Variants in IGSF21 observed in about 807,000 individuals in gnomAD.
IGSF21 encodes the protein immunoglobulin superfamily member 21.
In IGSF21, 28 loss-of-function variants were observed where a neutral mutation model predicts 46.8. That is an observed-to-expected ratio of 0.60 (90% CI 0.44 to 0.82). The LOEUF (loss-of-function observed/expected upper bound fraction) is 0.82, where lower values mean the gene tolerates loss of function less well. Ranked by LOEUF, IGSF21 falls within the 40% of genes least tolerant of loss-of-function variation. IGSF21 has a pLI of 0.00. For synonymous variants in IGSF21, 284 were observed against 273.6 expected (o/e 1.04, Z -0.38); for missense variants, 624 against 665.5 (o/e 0.94, Z 0.69).
At chr1:18,286,657 T>C (rs1031152663) in intron 2 of IGSF21, among the ~76,000 whole-genome samples, 2 of 152,146 alleles carry the variant, frequency 1.3e-5, no homozygotes, top group African/African-American at 4.8e-5. Context: ...AGGCTACTCT[T>C]ACCAGGGAGT....
At chr1:18,313,883 T>G (rs969744020) in intron 3 of IGSF21, among the ~76,000 whole-genome samples, 3 of 152,170 alleles carry the variant, frequency 2.0e-5, no homozygotes, top group African/African-American at 7.2e-5. Flanking sequence ...CTGCCCTGAA[T>G]CTTTCTGGAA....
intron 1 of IGSF21, among the ~76,000 whole-genome samples, chr1:18,169,767 C>T (rs997521700): frequency 4.1e-4 from 62 of 151,980 alleles, no homozygotes; most frequent in African/African-American, 1.4e-3. Flanking sequence ...CCTGGGGGTG[C>T]GGGGAAGGAC....
chr1:18,282,970 A>G (rs944867111), intron 2 of IGSF21, among the ~76,000 whole-genome samples: 2 of 152,168 alleles, frequency 1.3e-5, no homozygotes, highest in Non-Finnish European at 2.9e-5. Context: ...ACAGATGCAC[A>G]CCCATACTCC....
intron 1 of IGSF21, among the ~76,000 whole-genome samples, chr1:18,157,527 G>A (rs572743489): frequency 3.3e-5 from 5 of 152,186 alleles, no homozygotes; most frequent in Non-Finnish European, 7.3e-5. Flanking sequence ...TCCCAAGGCA[G>A]GGGGTTCATT....
chr1:18,282,872 C>G (rs1298232946), intron 2 of IGSF21, among the ~76,000 whole-genome samples: 1 of 152,178 alleles, frequency 6.6e-6, no homozygotes, highest in Non-Finnish European at 1.5e-5. Context: ...CATGAACATT[C>G]TCATTATTAC....
chr1:18,227,143 T>G (rs1425581777), intron 1 of IGSF21, among the ~76,000 whole-genome samples: 1 of 152,180 alleles, frequency 6.6e-6, no homozygotes, highest in Non-Finnish European at 1.5e-5. Context: ...TATAATGGAC[T>G]TCTCTAACAT....
intron 2 of IGSF21, among the ~76,000 whole-genome samples, chr1:18,258,387 C>T (rs867006510): frequency 1.4e-4 from 21 of 152,210 alleles, no homozygotes; most frequent in African/African-American, 4.6e-4. Flanking sequence ...GTAAGGTGGA[C>T]CCTGTAGCCT....
intron 1 of IGSF21, among the ~76,000 whole-genome samples, chr1:18,163,590 GACAAGGCTCCTGAGATAAGCCT>G (rs1252238631): frequency 6.6e-6 from 1 of 152,190 alleles, no homozygotes; most frequent in East Asian, 1.9e-4. Flanking sequence ...CCCAGCAGGA[GACAAGGCTCCTGAGATAAGCCT>G]ATGCTGTCCT....
intron 1 of IGSF21, chr1:18,112,112 CA>C (rs2086150135): frequency 6.6e-6 from 1 of 152,228 alleles, no homozygotes; most frequent in African/African-American, 2.4e-5. Context: ...CAGAGACCGA[CA>C]AAATAGAGGC....
chr1:18,195,723 C>T (rs556600603), intron 1 of IGSF21, among the ~76,000 whole-genome samples: 59 of 152,214 alleles, frequency 3.9e-4, no homozygotes, highest in Non-Finnish European at 6.9e-4. Context: ...AGCTACACTG[C>T]GGATTCACTG....
chr1:18,188,497 T>C lies in IGSF21; in HGVS notation c.71-39401T>C, dbSNP rs150181826. ...ACATCCTCACAAAGTAAAATATAAA[T>C]ATATGGAGAGGAAGAGAAAGCAGAG... is the stretch of plus-strand genomic sequence containing the variant. On this transcript the variant is annotated intron_variant, in intron 1 of 9. Coordinates refer to ENST00000251296, the MANE Select transcript of IGSF21 (RefSeq NM_032880.5). Among the ~76,000 whole-genome samples, 206 of 152,024 alleles carry C rather than the reference T, an allele frequency of 1.4e-3. 3 individuals are homozygous for C. The highest frequency in any genetic ancestry group is 4.8e-3 in the African/African-American group (199 of 41,446).
At chr1:18,121,316 C>T (rs2086231696) in intron 1 of IGSF21, among the ~76,000 whole-genome samples, 1 of 152,138 alleles carries the variant, frequency 6.6e-6, no homozygotes, top group East Asian at 1.9e-4. Context: ...GAGTAGCTGG[C>T]TTCTACGTGG....
At chr1:18,122,630 T>C (rs867271444) in intron 1 of IGSF21, among the ~76,000 whole-genome samples, 6 of 151,016 alleles carry the variant, frequency 4.0e-5, no homozygotes, top group Middle Eastern at 3.5e-3. Flanking sequence ...TTTCTTTTTT[T>C]TTTTTTTTGA....
At position 18,195,153 on chromosome 1, in the gene IGSF21, C is replaced by T. The variant is rs537078369; in HGVS notation, c.71-32745C>T. Among the ~76,000 whole-genome samples, 6 of 152,316 alleles carry T rather than the reference C, an allele frequency of 3.9e-5. No individual in the cohort carries two copies. In the South Asian group the frequency reaches 1.0e-3, roughly 26 times the overall value. On this transcript the variant is annotated intron_variant, in intron 1 of 9. Transcript: ENST00000251296. The stretch of plus-strand genomic sequence containing the variant: ...GTAGGGACACAGCCAAACCGTATCA[C>T]GCCCCCACTTCACAGAGCATCCAGA...
At chr1:18,120,976 A>G (rs919794176) in intron 1 of IGSF21, among the ~76,000 whole-genome samples, 3 of 151,936 alleles carry the variant, frequency 2.0e-5, no homozygotes, top group East Asian at 3.9e-4. Flanking sequence ...TCCCCAGTCT[A>G]TTTTCCACCC....
intron 3 of IGSF21, among the ~76,000 whole-genome samples, chr1:18,301,468 T>C (rs979199083): frequency 1.3e-5 from 2 of 152,062 alleles, no homozygotes; most frequent in Admixed American, 1.3e-4. Context: ...GCCTCCCGAG[T>C]AGCTGGGATT....
intron 1 of IGSF21, among the ~76,000 whole-genome samples, chr1:18,191,606 C>T (rs1050254176): frequency 5.9e-5 from 9 of 152,054 alleles, no homozygotes; most frequent in Non-Finnish European, 1.0e-4. Flanking sequence ...CGGGAGCACA[C>T]GGCTTGAGCT....
chr1:18,147,751 T>C (rs528520988), intron 1 of IGSF21, among the ~76,000 whole-genome samples: 1 of 152,316 alleles, frequency 6.6e-6, no homozygotes, highest in African/African-American at 2.4e-5. Context: ...GCAACAACTT[T>C]GTGAAAGGTA....
intron 1 of IGSF21, among the ~76,000 whole-genome samples, chr1:18,134,169 T>C (rs562838632): frequency 6.6e-6 from 1 of 152,194 alleles, no homozygotes; most frequent in Non-Finnish European, 1.5e-5. Flanking sequence ...AATAAATGAA[T>C]GAATAAAAGG....
Sources: gnomAD v4.1 joint callset for allele counts (sites outside exome capture counted in the v4.1 genomes callset) on GRCh38, gnomAD v4.1.1 for gene constraint, MANE v1.5 for transcripts, NCBI Gene and HGNC (gene_info 2026-07-23, HGNC 2026-07-21) for gene names.